PIP5K1B: variants seen among roughly 807,000 people sequenced by gnomAD.
PIP5K1B encodes the protein phosphatidylinositol-4-phosphate 5-kinase type 1 beta, also known as phosphatidylinositol 4-phosphate 5-kinase type-1 beta.
A neutral mutation model predicts 67.0 loss-of-function variants in PIP5K1B; 42 were observed. The ratio of observed to expected loss-of-function variants is 0.63; its 90% CI spans 0.49 to 0.81. The LOEUF is 0.81. Ranked by LOEUF, PIP5K1B falls within the 30% of genes least tolerant of loss-of-function variation. The pLI is 0.00. For synonymous variants in PIP5K1B, 214 were observed against 231.4 expected, an observed-to-expected ratio of 0.92 and a Z score of 0.68; for missense variants, 459 against 646.3, an observed-to-expected ratio of 0.71 and a Z score of 3.14.
intron 1 of PIP5K1B, among the ~76,000 whole-genome samples, chr9:68,706,866 C>T (rs189852423): frequency 6.6e-6 from 1 of 151,890 alleles, no homozygotes; most frequent in Non-Finnish European, 1.5e-5. Context: ...CCCTGTTCTG[C>T]GAAGAGACTG....
chr9:68,940,154 G>A (rs1411870046), intron 13 of PIP5K1B, among the ~76,000 whole-genome samples: 1 of 152,210 alleles, frequency 6.6e-6, no homozygotes, highest in Non-Finnish European at 1.5e-5. Flanking sequence ...ATGGGGTTAA[G>A]GTAGAGCTGA....
intron 15 of PIP5K1B, among the ~76,000 whole-genome samples, chr9:69,002,566 T>G (rs1188912458): frequency 6.6e-6 from 1 of 152,140 alleles, no homozygotes; most frequent in Non-Finnish European, 1.5e-5. Flanking sequence ...TTGTGCCTTG[T>G]GAAGTAATTC....
chr9:68,967,578 C>T (rs955399630), intron 14 of PIP5K1B, among the ~76,000 whole-genome samples: 2 of 152,272 alleles, frequency 1.3e-5, no homozygotes. Flanking sequence ...TCAGAGGATT[C>T]AACCATTCAT....
At chr9:68,841,002 G>A (rs1429223904) in intron 4 of PIP5K1B, among the ~76,000 whole-genome samples, 3 of 152,182 alleles carry the variant, frequency 2.0e-5, no homozygotes, top group East Asian at 3.8e-4. Flanking sequence ...GGTACTCTCA[G>A]TAGATACCAA....
chr9:68,809,966 C>T (rs564146431), intron 2 of PIP5K1B, among the ~76,000 whole-genome samples: 57 of 152,184 alleles, frequency 3.7e-4, no homozygotes, highest in African/African-American at 1.3e-3. Context: ...ATGTTATGCT[C>T]CATAAATGTT....
At chr9:68,789,517 G>A (rs1397297560) in intron 2 of PIP5K1B, 3 of 519,500 alleles carry the variant, frequency 5.8e-6, no homozygotes, top group South Asian at 4.3e-5. Context: ...CAGTGGTGAG[G>A]GGTAGGGATA....
intron 12 of PIP5K1B, among the ~76,000 whole-genome samples, chr9:68,927,836 A>G (rs1826792074): frequency 6.6e-6 from 1 of 152,146 alleles, no homozygotes; most frequent in Admixed American, 6.6e-5. Context: ...ACCCAAGGTC[A>G]TGAAGATTTA....
intron 2 of PIP5K1B, among the ~76,000 whole-genome samples, chr9:68,797,384 C>T (rs1832353752): frequency 6.6e-6 from 1 of 152,168 alleles, no homozygotes; most frequent in Admixed American, 6.5e-5. Context: ...GTGCAAAGAA[C>T]AGAGTATATT....
intron 14 of PIP5K1B, among the ~76,000 whole-genome samples, chr9:68,989,984 A>T (rs1443912857): frequency 6.6e-6 from 1 of 152,144 alleles, no homozygotes; most frequent in Non-Finnish European, 1.5e-5. Context: ...TCCGTCTCAA[A>T]AAAAAAAACA....
intron 1 of PIP5K1B, chr9:68,707,745 A>G (rs1439452122): frequency 6.6e-6 from 1 of 152,172 alleles, no homozygotes; most frequent in Non-Finnish European, 1.5e-5. Context: ...CAGTTCTGAT[A>G]GCAATGAGGA....
At chr9:68,943,057 G>A (rs903532760) in intron 14 of PIP5K1B, among the ~76,000 whole-genome samples, 5 of 152,256 alleles carry the variant, frequency 3.3e-5, no homozygotes, top group Admixed American at 6.5e-5. Flanking sequence ...CCAGACAAAC[G>A]CATTTCAGTG....
chr9:68,964,725 C>G (rs1828930706), intron 14 of PIP5K1B, among the ~76,000 whole-genome samples: 1 of 152,206 alleles, frequency 6.6e-6, no homozygotes, highest in South Asian at 2.1e-4. Flanking sequence ...CTCACTGTAG[C>G]TGAGCAGCCA....
At chr9:68,957,234 G>GA (rs565344023) in intron 14 of PIP5K1B, among the ~76,000 whole-genome samples, 2,594 of 142,268 alleles carry the variant, frequency 0.018, 30 homozygotes, top group Non-Finnish European at 0.023. Flanking sequence ...AATAGAAAAA[G>GA]AAAAAAAAAA....
chr9:68,929,720 AG>A (rs1826898349), intron 12 of PIP5K1B, among the ~76,000 whole-genome samples: 8 of 152,134 alleles, frequency 5.3e-5, no homozygotes, highest in African/African-American at 1.9e-4. Flanking sequence ...CCCAGGCTGG[AG>A]TACAGTGGCA....
Position 68,812,628 on chromosome 9 carries a change from TG to T in PIP5K1B, c.-85-5831del, listed in dbSNP as rs1328672808. On this transcript the variant is annotated intron_variant, in intron 2 of 15. Transcript: ENST00000265382. ...TGAACCTTGTGAGTATGTCCTTACT[TG>T]GCCATTGGAATTTCTGCATTCCAGG... 2.0e-4 allele frequency among the ~76,000 whole-genome samples: 30 copies of T among 152,244 alleles called. 1 individual carries two copies. Among genetic ancestry groups the T allele is most frequent in the African/African-American group, 6.8e-4 (28 of 41,468 alleles).
chr9:68,765,562 C>T (rs932329424), intron 2 of PIP5K1B, among the ~76,000 whole-genome samples: 1 of 151,886 alleles, frequency 6.6e-6, no homozygotes, highest in African/African-American at 2.4e-5. Flanking sequence ...AACATAAATT[C>T]TCCATCAAAA....
chr9:68,778,425 A>G (rs1831033098), intron 2 of PIP5K1B, among the ~76,000 whole-genome samples: 1 of 152,220 alleles, frequency 6.6e-6, no homozygotes, highest in African/African-American at 2.4e-5. Context: ...CTCTCAGTAA[A>G]TAATACTACC....
chr9:68,922,054 C>T (rs888226239), intron 11 of PIP5K1B, among the ~76,000 whole-genome samples: 3 of 152,182 alleles, frequency 2.0e-5, no homozygotes, highest in African/African-American at 7.2e-5. Context: ...CTTTAATCCT[C>T]TATGGATACC....
At chr9:68,971,091 T>A (rs537496617) in intron 14 of PIP5K1B, among the ~76,000 whole-genome samples, 69 of 152,304 alleles carry the variant, frequency 4.5e-4, no homozygotes, top group Middle Eastern at 3.4e-3. Flanking sequence ...CATGGTGGTT[T>A]GCTGCACCCC....
Sources: allele counts gnomAD v4.1 joint callset (sites outside exome capture counted in the v4.1 genomes callset), GRCh38; gene constraint gnomAD v4.1.1; transcripts MANE v1.5; gene names NCBI Gene and HGNC (gene_info 2026-07-23, HGNC 2026-07-21).